Variants in NCKAP1 observed in about 807,000 individuals in gnomAD.
NCKAP1 encodes the protein nck-associated protein 1.
In NCKAP1, 21 loss-of-function variants were observed where a neutral mutation model predicts 151.2. That is an observed-to-expected ratio of 0.14 (90% CI 0.10 to 0.20). The LOEUF is 0.20. Among genes scored for constraint, NCKAP1 ranks in the 10% least tolerant of loss-of-function variants. NCKAP1 has a pLI of 1.00. For synonymous variants in NCKAP1, 484 were observed against 451.8 expected (o/e 1.07, Z -0.90); for missense variants, 933 against 1,352.1 (o/e 0.69, Z 4.86).
intron 8 of NCKAP1, among the ~76,000 whole-genome samples, chr2:182,991,776 A>G (rs1698175632): frequency 6.6e-6 from 1 of 152,162 alleles, no homozygotes; most frequent in Admixed American, 6.6e-5. Context: ...AATATAAAAA[A>G]CAAGGCAGAA....
chr2:182,932,648 G>A (rs1696788997), intron 26 of NCKAP1, among the ~76,000 whole-genome samples: 1 of 150,436 alleles, frequency 6.6e-6, no homozygotes, highest in South Asian at 2.1e-4. Flanking sequence ...TTAAAAACAT[G>A]TTTTTGTTTT....
At chr2:182,974,559 A>C (rs761938654) in intron 15 of NCKAP1, among the ~76,000 whole-genome samples, 12 of 152,168 alleles carry the variant, frequency 7.9e-5, no homozygotes, top group Non-Finnish European at 1.6e-4. Context: ...GAAGTGAAGA[A>C]ACACAGGGAG....
At chr2:183,002,420 A>G in intron 4 of NCKAP1, 151 bp from the exon 5 acceptor site, 1 of 588,736 alleles carries the variant, frequency 1.7e-6, no homozygotes, top group Non-Finnish European at 2.8e-6. Context: ...CTAAAAGCAC[A>G]TCTAAAATTT....
chr2:183,036,563 C>A (rs1699105703), intron 1 of NCKAP1, among the ~76,000 whole-genome samples: 1 of 152,096 alleles, frequency 6.6e-6, no homozygotes, highest in Non-Finnish European at 1.5e-5. Context: ...TTGGTAAATG[C>A]AGAGGGGCTT....
intron 6 of NCKAP1, among the ~76,000 whole-genome samples, chr2:183,000,408 A>C (rs1328472909): frequency 6.6e-6 from 1 of 152,200 alleles, no homozygotes; most frequent in Non-Finnish European, 1.5e-5. Context: ...GTGGAGAAAG[A>C]ACCAAATATA....
chr2:183,025,257 C>T (rs1698874161), intron 1 of NCKAP1, among the ~76,000 whole-genome samples: 1 of 151,890 alleles, frequency 6.6e-6, no homozygotes, highest in African/African-American at 2.4e-5. Context: ...CTTTCTAAAC[C>T]AACTTAAAAT....
Position 182,918,751 on chromosome 2 carries a change from GACAGGTACACTAAA to G in NCKAP1, c.*6937_*6950del, listed in dbSNP as rs1481409804. ...TGGGTACAATGCATACTACCTGGGT[GACAGGTACACTAAA>G]ACCTCAGACTTCACCAATGTATGAT... On this transcript the variant is annotated 3_prime_UTR_variant, in exon 31 of 31. Transcript: ENST00000361354. 1 of 152,140 alleles carries G rather than the reference GACAGGTACACTAAA, an allele frequency of 6.6e-6. No homozygotes were observed. Among genetic ancestry groups the G allele is most frequent in the Non-Finnish European group, 1.5e-5 (1 of 68,032 alleles). The allele number at this position is 152,140 out of a possible 1,614,324, so 9.4% of individuals were successfully genotyped here.
chr2:182,926,391 A>G (rs1227837265), intron 30 of NCKAP1, among the ~76,000 whole-genome samples: 1 of 152,034 alleles, frequency 6.6e-6, no homozygotes, highest in Non-Finnish European at 1.5e-5. Flanking sequence ...GCCACGTGGT[A>G]GAAACAAGCA....
chr2:182,981,163 T>C (rs899613459), intron 13 of NCKAP1, 81 bp downstream of exon 13: 6 of 1,492,972 alleles, frequency 4.0e-6, no homozygotes, highest in Non-Finnish European at 5.5e-6. Flanking sequence ...ATTTCATAAA[T>C]GCTTGTTGAA....
At chr2:182,983,963 A>T (rs551537320) in intron 10 of NCKAP1, among the ~76,000 whole-genome samples, 214 of 152,008 alleles carry the variant, frequency 1.4e-3, no homozygotes, top group African/African-American at 4.9e-3. Context: ...CCCAGGAGGC[A>T]GAGGTTGCAG....
chr2:183,036,369 A>C (rs1285946257), intron 1 of NCKAP1, among the ~76,000 whole-genome samples: 2 of 152,176 alleles, frequency 1.3e-5, no homozygotes, highest in African/African-American at 4.8e-5. Context: ...CCACAATACC[A>C]CAGGTCTAGT....
chr2:182,994,950 C>A, intron 7 of NCKAP1, 63 bp from the exon 8 acceptor site: 1 of 1,276,748 alleles, frequency 7.8e-7, no homozygotes. Context: ...CCATATTGAG[C>A]CACTCTCCTC....
intron 12 of NCKAP1, 119 bp from the exon 13 acceptor site, chr2:182,981,495 A>C (rs1411562665): frequency 1.6e-6 from 1 of 623,374 alleles, no homozygotes. Flanking sequence ...ATTGTTTAAT[A>C]CTTAATGTCA....
rs566553816 is a variant in NCKAP1 at position 182,983,942 on chromosome 2, A to T, written c.1005-560T>A. On this transcript the variant is annotated intron_variant, in intron 10 of 30. Transcript: ENST00000361354. ...GCTACTTGGGAGGCTGAGGCAGGAA[A>T]ATCACTTGAGCCCAGGAGGCAGAGG... 2.0e-5 allele frequency among the ~76,000 whole-genome samples: 3 copies of T among 152,148 alleles called. No individual in the cohort carries two copies. In the East Asian group the frequency reaches 5.8e-4, roughly 29 times the overall value.
intron 7 of NCKAP1, among the ~76,000 whole-genome samples, chr2:182,995,403 G>T (rs1340753961): frequency 6.6e-6 from 1 of 151,880 alleles, no homozygotes; most frequent in Admixed American, 6.6e-5. Flanking sequence ...TGAGATTTGG[G>T]GTGATTTTTG....
intron 19 of NCKAP1, chr2:182,956,904 GA>G (rs1413177004): frequency 2.0e-5 from 4 of 199,206 alleles, no homozygotes; most frequent in Non-Finnish European, 4.0e-5. Context: ...TGTTATGAGA[GA>G]AGGAAAGTTG....
In NCKAP1 at chr2:182,947,809, A is replaced by G. The variant is rs149341330; in HGVS notation, c.2601+4596T>C. Among the ~76,000 whole-genome samples the G allele has an allele frequency of 3.0e-3, 461 of 152,310 alleles. 2 individuals carry two copies. Among genetic ancestry groups the G allele is most frequent in the African/African-American group, 9.8e-3 (408 of 41,588 alleles). ...TTAGAGATTTATTTCAATGAGACAG[A>G]CTAGTATACAACACACTGAATTTAT... is the stretch of plus-strand genomic sequence containing the variant. On this transcript the variant is annotated intron_variant, in intron 23 of 30. Transcript: ENST00000361354.
rs556076681 is a variant in NCKAP1, at chr2:182,980,088, A to G, written c.1341+1156T>C. Among the ~76,000 whole-genome samples the G allele has an allele frequency of 4.6e-5, 7 of 152,252 alleles. No homozygotes were observed. The South Asian group carries it at 1.4e-3, about 31-fold the overall frequency. ...TGGTTTACTTTTTAAACTGTATGCTAGTATGAATAAATAATAAACAGTAAC... is the reference window on the plus strand; with the variant it reads ...TGGTTTACTTTTTAAACTGTATGCTGGTATGAATAAATAATAAACAGTAAC... On this transcript the variant is annotated intron_variant, in intron 13 of 30. Transcript: ENST00000361354.
chr2:182,987,125 C>T (rs1249009564), intron 9 of NCKAP1, among the ~76,000 whole-genome samples: 1 of 152,082 alleles, frequency 6.6e-6, no homozygotes, highest in Non-Finnish European at 1.5e-5. Context: ...ACCTGTAATC[C>T]TAACTACTTG....
Sources: gnomAD v4.1 joint callset for allele counts (sites outside exome capture counted in the v4.1 genomes callset) on GRCh38, gnomAD v4.1.1 for gene constraint, MANE v1.5 for transcripts, NCBI Gene and HGNC (gene_info 2026-07-23, HGNC 2026-07-21) for gene names.